Variants in LRCH1 observed in about 807,000 individuals in gnomAD.
LRCH1 encodes the protein leucine-rich repeat and calponin homology domain-containing protein 1.
In LRCH1, 23 loss-of-function variants were observed where a neutral mutation model predicts 94.9. That is an observed-to-expected ratio of 0.24 (90% CI 0.17 to 0.34). The LOEUF (loss-of-function observed/expected upper bound fraction) is 0.34. Ranked by LOEUF, LRCH1 falls within the 10% of genes least tolerant of loss-of-function variation. The pLI is 1.00. For synonymous variants in LRCH1, 364 were observed against 354.9 expected (o/e 1.03, Z -0.29); for missense variants, 790 against 945.9 (o/e 0.84, Z 2.16).
At chr13:46,670,981 T>G (rs1362104986) in intron 3 of LRCH1, among the ~76,000 whole-genome samples, 1 of 152,158 alleles carries the variant, frequency 6.6e-6, no homozygotes, top group Non-Finnish European at 1.5e-5. Flanking sequence ...GCCCACTGCC[T>G]TAGATTTAGG....
At chr13:46,734,535 C>G (rs1161949968) in intron 19 of LRCH1, among the ~76,000 whole-genome samples, 1 of 152,184 alleles carries the variant, frequency 6.6e-6, no homozygotes, top group African/African-American at 2.4e-5. Flanking sequence ...AGTTTGTTAA[C>G]TATTTGCATT....
intron 2 of LRCH1, among the ~76,000 whole-genome samples, chr13:46,655,114 A>G (rs1480689751): frequency 6.6e-6 from 1 of 152,176 alleles, no homozygotes; most frequent in South Asian, 2.1e-4. Context: ...ACAGCCATAA[A>G]TATTTGATAG....
At chr13:46,715,416 C>T in intron 15 of LRCH1, 144 bp from the exon 16 acceptor site, 1 of 619,736 alleles carries the variant, frequency 1.6e-6, no homozygotes, top group East Asian at 2.7e-5. Context: ...CTATATTGTG[C>T]ATTTGAAATT....
At position 46,667,074 on chromosome 13, in the gene LRCH1, T is replaced by A. The variant is rs150031891; in HGVS notation, c.453-1956T>A. The stretch of plus-strand genomic sequence containing the variant: ...AGCCAGGAACCTACCAGGAGGGCAC[T>A]CAATCTCCTCCCTCCTTCTGCTGGA... On this transcript the variant is annotated intron_variant, in intron 2 of 19. Coordinates refer to ENST00000389797, the MANE Select transcript of LRCH1 (RefSeq NM_001164211.2). Among the ~76,000 whole-genome samples, 7 of 152,312 alleles carry A rather than the reference T, an allele frequency of 4.6e-5. No homozygotes were observed. In the East Asian group the frequency reaches 1.4e-3, roughly 29 times the overall value.
intron 1 of LRCH1, among the ~76,000 whole-genome samples, chr13:46,648,753 A>G (rs961058933): frequency 2.6e-5 from 4 of 152,060 alleles, no homozygotes; most frequent in Non-Finnish European, 5.9e-5. Flanking sequence ...ATTCCTTAAG[A>G]TTTGCTGGGG....
intron 5 of LRCH1, among the ~76,000 whole-genome samples, chr13:46,686,617 G>A (rs1870629020): frequency 6.6e-6 from 1 of 152,144 alleles, no homozygotes; most frequent in Non-Finnish European, 1.5e-5. Flanking sequence ...ATGGGACCGA[G>A]GGGCAGGAGG....
intron 19 of LRCH1, among the ~76,000 whole-genome samples, chr13:46,738,294 C>T (rs1460084613): frequency 6.6e-6 from 1 of 152,214 alleles, no homozygotes; most frequent in East Asian, 1.9e-4. Context: ...GCTTCTGCAT[C>T]AGCCAAAGGG....
intron 15 of LRCH1, 118 bp downstream of exon 15, chr13:46,712,715 T>G (rs1265076648): frequency 4.4e-6 from 4 of 914,390 alleles, no homozygotes; most frequent in Non-Finnish European, 6.9e-6. Flanking sequence ...GCCGAAATCC[T>G]GGCATCTACA....
rs766707360 is a variant in LRCH1, at chr13:46,689,151, G to A, written c.969G>A (p.Ser323=). 243 of 1,609,454 alleles carry A rather than the reference G, an allele frequency of 1.5e-4. No homozygotes were observed. Among genetic ancestry groups the A allele is most frequent in the Admixed American group, 4.7e-4 (28 of 59,510 alleles). The change falls in exon 7 of 20, where the codon TCG becomes TCA. Residue 323 remains serine, a synonymous_variant. Coordinates refer to ENST00000389797, the MANE Select transcript of LRCH1 (RefSeq NM_001164211.2). ...ATCTCAGCAAGAAGGATTCTGATTC[G>A]GGAGTTGGAAGTGATAATGGAGATA... ...HVEDGKKDSD[S]GVGSDNGDKR... is the part of the protein sequence containing the mutation.
rs148580544 is a variant in LRCH1, at chr13:46,596,164, G to C, written c.307+42461G>C. Among the ~76,000 whole-genome samples, 313 of 152,206 alleles carry C rather than the reference G, an allele frequency of 2.1e-3. 1 individual carries two copies. Among genetic ancestry groups the C allele is most frequent in the African/African-American group, 7.3e-3 (305 of 41,524 alleles). Reference sequence around the variant, plus strand: ...TGAGGGAGTTGACATGATCAAAAATGTTTTTTTCCCTGGGAACACATCTTG... The same window carrying C: ...TGAGGGAGTTGACATGATCAAAAATCTTTTTTTCCCTGGGAACACATCTTG... On this transcript the variant is annotated intron_variant, in intron 1 of 19. Transcript: ENST00000389797.
chr13:46,610,830 T>C (rs1450902715), intron 1 of LRCH1, among the ~76,000 whole-genome samples: 1 of 152,210 alleles, frequency 6.6e-6, no homozygotes, highest in African/African-American at 2.4e-5. Flanking sequence ...TATGTGTCCG[T>C]CTGACATGTT....
chr13:46,699,236 A>G (rs1871343048), intron 9 of LRCH1, 100 bp from the exon 10 acceptor site: 1 of 874,620 alleles, frequency 1.1e-6, no homozygotes, highest in African/African-American at 1.7e-5. Flanking sequence ...GCTTTTGGCT[A>G]TTGTGAATAA....
intron 1 of LRCH1, among the ~76,000 whole-genome samples, chr13:46,640,905 C>A (rs1267946903): frequency 6.6e-6 from 1 of 152,198 alleles, no homozygotes; most frequent in Admixed American, 6.5e-5. Context: ...GACCTGACTT[C>A]TTTGTTGATC....
At chr13:46,653,504 AT>A (rs1479068147) in intron 2 of LRCH1, among the ~76,000 whole-genome samples, 3 of 152,152 alleles carry the variant, frequency 2.0e-5, no homozygotes, top group Non-Finnish European at 2.9e-5. Context: ...CTCCTATAAA[AT>A]TTTTTACATG....
At chr13:46,703,653 A>G (rs1235951156) in intron 11 of LRCH1, among the ~76,000 whole-genome samples, 1 of 152,160 alleles carries the variant, frequency 6.6e-6, no homozygotes, top group African/African-American at 2.4e-5. Context: ...TACTTTAAGT[A>G]TATTATACTC....
intron 16 of LRCH1, among the ~76,000 whole-genome samples, chr13:46,722,502 A>G (rs982354541): frequency 6.6e-6 from 1 of 152,212 alleles, no homozygotes; most frequent in Non-Finnish European, 1.5e-5. Flanking sequence ...GTTTTCCTTC[A>G]TAGGGAAGGG....
intron 16 of LRCH1, among the ~76,000 whole-genome samples, chr13:46,716,458 A>G (rs1016849470): frequency 6.6e-6 from 1 of 152,250 alleles, no homozygotes; most frequent in East Asian, 1.9e-4. Flanking sequence ...ATTTTACTTC[A>G]GAATACAAAG....
At chr13:46,677,343 C>T (rs1251434848) in intron 3 of LRCH1, among the ~76,000 whole-genome samples, 3 of 151,418 alleles carry the variant, frequency 2.0e-5, no homozygotes, top group Admixed American at 6.6e-5. Context: ...GCGGGAGAAT[C>T]GCTTGAACCT....
intron 5 of LRCH1, 79 bp downstream of exon 5, chr13:46,686,120 T>C: frequency 1.5e-6 from 2 of 1,326,084 alleles, no homozygotes; most frequent in Non-Finnish European, 2.0e-6. Flanking sequence ...CCCTTCACCC[T>C]CTGAAAGTTT....
Sources: allele counts gnomAD v4.1 joint callset (sites outside exome capture counted in the v4.1 genomes callset), GRCh38; gene constraint gnomAD v4.1.1; transcripts MANE v1.5; gene names NCBI Gene and HGNC (gene_info 2026-07-23, HGNC 2026-07-21).